Variants in NAV1 observed in about 807,000 individuals in gnomAD.
NAV1 encodes the protein pore membrane and/or filament interacting like protein 3.
A neutral mutation model predicts 175.2 loss-of-function variants in NAV1; 18 were observed. That is an observed-to-expected ratio of 0.10 (90% confidence interval 0.07 to 0.15). The LOEUF (loss-of-function observed/expected upper bound fraction) is 0.15. NAV1 is among the 10% of genes least tolerant of loss of function. The probability of loss-of-function intolerance (pLI) is 1.00; values close to 1 mark genes in which losing one functional copy is unlikely to be tolerated. For missense variants in NAV1, 1,731 were observed against 2,436.6 expected (o/e 0.71, Z 6.10); for synonymous variants, 897 against 978.7 (o/e 0.92, Z 1.56).
intron 2 of NAV1, among the ~76,000 whole-genome samples, chr1:201,717,358 G>A (rs1212712656): frequency 6.6e-6 from 1 of 152,182 alleles, no homozygotes; most frequent in African/African-American, 2.4e-5. Context: ...GGCTTAATTA[G>A]GATAAGTTAT....
At chr1:201,792,572 CAT>C (rs1283710934) in intron 13 of NAV1, 1 of 152,224 alleles carries the variant, frequency 6.6e-6, no homozygotes, top group Non-Finnish European at 1.5e-5. Context: ...TGGGGCCTCT[CAT>C]GAGTAGTCTT....
At chr1:201,809,827 A>G in intron 22 of NAV1, 119 bp from the exon 27 acceptor site, 1 of 1,012,110 alleles carries the variant, frequency 9.9e-7, no homozygotes, top group Non-Finnish European at 1.4e-6. Context: ...TACCTAGGAA[A>G]AGCATATGCT....
At chr1:201,730,396 G>A (rs1009773981) in intron 3 of NAV1, among the ~76,000 whole-genome samples, 15 of 152,192 alleles carry the variant, frequency 9.9e-5, no homozygotes, top group African/African-American at 3.6e-4. Flanking sequence ...TTCTGGGCAC[G>A]TTCCAGTGCA....
intron 8 of NAV1, among the ~76,000 whole-genome samples, chr1:201,785,841 G>GGAGT (rs909970879): frequency 1.4e-5 from 2 of 142,550 alleles, no homozygotes; most frequent in African/African-American, 5.3e-5. Context: ...CACCCAGGCT[G>GGAGT]GAGTGCAGTG....
At chr1:201,669,892 C>G (rs987935201) in intron 1 of NAV1, among the ~76,000 whole-genome samples, 12 of 152,018 alleles carry the variant, frequency 7.9e-5, no homozygotes, top group African/African-American at 2.9e-4. Context: ...TCCCTGAGCC[C>G]ACAGTGAGGT....
chr1:201,723,371 C>G (rs946607447), intron 3 of NAV1: 4 of 152,128 alleles, frequency 2.6e-5, no homozygotes, highest in East Asian at 1.9e-4. Context: ...TTCTTTCATT[C>G]TGTGTATTGG....
At chr1:201,769,785 T>G (rs1040577148) in intron 3 of NAV1, among the ~76,000 whole-genome samples, 6 of 152,228 alleles carry the variant, frequency 3.9e-5, no homozygotes, top group African/African-American at 1.4e-4. Context: ...AACTCTCAGC[T>G]GTTAAAACCA....
At chr1:201,770,212 C>T (rs1287751060) in intron 3 of NAV1, among the ~76,000 whole-genome samples, 1 of 152,230 alleles carries the variant, frequency 6.6e-6, no homozygotes, top group African/African-American at 2.4e-5. Context: ...AGGAGTGTTT[C>T]CTGCCCCATG....
chr1:201,703,079 C>T (rs1355860018), intron 1 of NAV1, among the ~76,000 whole-genome samples: 2 of 152,232 alleles, frequency 1.3e-5, no homozygotes, highest in Non-Finnish European at 1.5e-5. Context: ...CTCCCCACTC[C>T]CGTCCCCATT....
At chr1:201,570,495 T>G (rs1166607951) in intron 1 of NAV1, among the ~76,000 whole-genome samples, 4 of 152,208 alleles carry the variant, frequency 2.6e-5, no homozygotes, top group African/African-American at 9.6e-5. Context: ...TACCTGTCCT[T>G]ATGCGAGAAT....
chr1:201,642,171 T>TC lies in NAV1; in HGVS notation c.5-6461dup, dbSNP rs1164864090. 9.9e-5 allele frequency among the ~76,000 whole-genome samples: 9 copies of TC among 91,326 alleles called. No homozygotes were observed. The East Asian group carries it at 1.2e-3, about 12-fold the overall frequency. 59.9% of individuals were successfully genotyped at this position (91,326 alleles called of 152,430 possible). Reference sequence around the variant, plus strand: ...CTTTTTCTTTCTCTCTCCCCTCCCTTCCTTCCTTCCTTCCTTCCCTCCTTT... The same window carrying TC: ...CTTTTTCTTTCTCTCTCCCCTCCCTTCCCTTCCTTCCTTCCTTCCCTCCTTT... On this transcript the variant is annotated intron_variant, in intron 2 of 29. Coordinates refer to the NAV1 transcript ENST00000367302.
upstream of NAV1, among the ~76,000 whole-genome samples, chr1:201,622,438 C>T (rs1426641560): frequency 6.6e-6 from 1 of 151,930 alleles, no homozygotes; most frequent in East Asian, 1.9e-4. Context: ...GGGCAGAGGC[C>T]GAGAGCATGA....
chr1:201,616,930 G>C (rs1446507829), intron 2 of NAV1, among the ~76,000 whole-genome samples: 13 of 152,196 alleles, frequency 8.5e-5, no homozygotes, highest in Non-Finnish European at 1.8e-4. Flanking sequence ...CCTGGTACAT[G>C]GAAGGTGCCC....
chr1:201,555,862 TG>T (rs1286299657), intron 1 of NAV1, among the ~76,000 whole-genome samples: 1 of 52,340 alleles, frequency 1.9e-5, no homozygotes, highest in African/African-American at 7.9e-5. Context: ...TGAAGGGAGA[TG>T]GGGGGCGGGG....
At chr1:201,648,030 T>C (rs1211813291), upstream of NAV1, among the ~76,000 whole-genome samples, 1 of 83,496 alleles carries the variant, frequency 1.2e-5, no homozygotes, top group Non-Finnish European at 2.3e-5. Context: ...CATCCGCCCC[T>C]GGAGCTCCGC....
intron 1 of NAV1, among the ~76,000 whole-genome samples, chr1:201,651,122 C>CGTGTGTGTGTGTGGGTGTGTGTGTGTGT (rs1669186245): frequency 7.7e-6 from 1 of 129,062 alleles, no homozygotes; most frequent in East Asian, 2.3e-4. Flanking sequence ...AGGAAGGGAC[C>CGTGTGTGTGTGTGGGTGTGTGTGTGTGT]GTGTGTGTGT....
At chr1:201,682,463 G>T (rs1310157235) in intron 1 of NAV1, among the ~76,000 whole-genome samples, 2 of 152,056 alleles carry the variant, frequency 1.3e-5, no homozygotes, top group Non-Finnish European at 2.9e-5. Context: ...ACTCTCCCTG[G>T]TCAGGCTCTA....
intron 3 of NAV1, chr1:201,724,276 A>G (rs1185317459): frequency 6.6e-6 from 1 of 152,246 alleles, no homozygotes; most frequent in Middle Eastern, 3.2e-3. Flanking sequence ...AAATAAGAAG[A>G]TAAGTTTCAC....
intron 1 of NAV1, among the ~76,000 whole-genome samples, chr1:201,703,709 G>A (rs985145685): frequency 1.3e-5 from 2 of 152,254 alleles, no homozygotes; most frequent in Non-Finnish European, 2.9e-5. Flanking sequence ...TTTGCACACG[G>A]CTGAGCAGGG....
Sources: gnomAD v4.1 joint callset for allele counts (sites outside exome capture counted in the v4.1 genomes callset) on GRCh38, gnomAD v4.1.1 for gene constraint, MANE v1.5 for transcripts, NCBI Gene and HGNC (gene_info 2026-07-23, HGNC 2026-07-21) for gene names.